Variants in TMCC3 observed in about 807,000 individuals in gnomAD.
The protein encoded by TMCC3 is transmembrane and coiled-coil domain protein 3.
In TMCC3, 28 loss-of-function variants were observed where a neutral mutation model predicts 40.2. The ratio of observed to expected loss-of-function variants is 0.70; its 90% CI spans 0.52 to 0.95. The LOEUF is 0.95. Among genes scored for constraint, TMCC3 ranks in the 40% least tolerant of loss-of-function variants. TMCC3 has a pLI of 0.00. For missense variants in TMCC3, 554 were observed against 615.2 expected, an observed-to-expected ratio of 0.90 and a Z score of 1.05; for synonymous variants, 255 against 248.5, an observed-to-expected ratio of 1.03 and a Z score of -0.25.
intron 1 of TMCC3, among the ~76,000 whole-genome samples, chr12:94,620,948 G>A (rs2068872886): frequency 2.0e-5 from 3 of 152,090 alleles, no homozygotes; most frequent in African/African-American, 7.2e-5. Flanking sequence ...TTAGGGTAGG[G>A]TCAGTTTGTA....
intron 1 of TMCC3, among the ~76,000 whole-genome samples, chr12:94,587,154 A>C (rs954534585): frequency 6.6e-6 from 1 of 152,290 alleles, no homozygotes; most frequent in East Asian, 1.9e-4. Flanking sequence ...TACACTATAC[A>C]TTGCAGCTTG....
At chr12:94,623,226 A>G (rs1267777295) in intron 1 of TMCC3, among the ~76,000 whole-genome samples, 3 of 136,062 alleles carry the variant, frequency 2.2e-5, no homozygotes, top group Non-Finnish European at 4.6e-5. Context: ...AATCTGCAGG[A>G]AAAAAAAAAA....
intron 1 of TMCC3, among the ~76,000 whole-genome samples, chr12:94,602,889 C>G (rs2068761305): frequency 6.6e-6 from 1 of 152,100 alleles, no homozygotes; most frequent in Non-Finnish European, 1.5e-5. Flanking sequence ...ATCCAATTAA[C>G]CTTAGGTCCT....
chr12:94,601,808 C>CAAAAAAAAAAAAAAAAAA (rs61372290), intron 1 of TMCC3, among the ~76,000 whole-genome samples: 24 of 76,706 alleles, frequency 3.1e-4, no homozygotes, highest in Admixed American at 4.8e-4. Context: ...GACCTGGTCT[C>CAAAAAAAAAAAAAAAAAA]AAAAAAAAAA....
chr12:94,591,804 TC>T lies in TMCC3; in HGVS notation c.79-9267del, dbSNP rs1178487022. On this transcript the variant is annotated intron_variant, in intron 1 of 3. Transcript: ENST00000261226. The stretch of plus-strand genomic sequence containing the variant: ...ATATATGAGAGATACCCCTAGCCCA[TC>T]TCCCTCTTGCTATCCTGGGGTCACA... 2.6e-5 allele frequency among the ~76,000 whole-genome samples: 4 copies of T among 152,088 alleles called. No individual in the cohort carries two copies. In the East Asian group the frequency reaches 7.7e-4, roughly 29 times the overall value.
chr12:94,576,794 A>T (rs1274533), intron 3 of TMCC3, among the ~76,000 whole-genome samples: 62,578 of 151,480 alleles, frequency 0.41, 13,277 homozygotes, highest in Middle Eastern at 0.45. Flanking sequence ...ATTTTTTTTT[A>T]AAGGCAATCA....
At chr12:94,629,168 G>T (rs1240461133) in intron 1 of TMCC3, among the ~76,000 whole-genome samples, 2 of 152,112 alleles carry the variant, frequency 1.3e-5, no homozygotes, top group Non-Finnish European at 2.9e-5. Flanking sequence ...CTTATCAAAG[G>T]CTAATCACAG....
At chr12:94,617,595 T>TATTTAAAGATA (rs2068854608) in intron 1 of TMCC3, among the ~76,000 whole-genome samples, 1 of 152,256 alleles carries the variant, frequency 6.6e-6, no homozygotes, top group Non-Finnish European at 1.5e-5. Context: ...TTTAAATCCC[T>TATTTAAAGATA]TTTGACCATA....
In TMCC3 at chr12:94,633,384, A is replaced by G. The variant is rs188131202; in HGVS notation, c.78+16969T>C. On this transcript the variant is annotated intron_variant, in intron 1 of 3. Transcript: ENST00000261226. ...CAAGTGACAGAAATTTGATGTAAAC[A>G]TGGCAAAATGTCAACATTCATTAAA... Among the ~76,000 whole-genome samples, 387 of 152,348 alleles carry G rather than the reference A, an allele frequency of 2.5e-3. 2 individuals are homozygous for G. Among genetic ancestry groups the G allele is most frequent in the African/African-American group, 9.0e-3 (375 of 41,584 alleles).
At chr12:94,597,156 T>TATATATATATATATATATATATATAA (rs2068722036) in intron 1 of TMCC3, among the ~76,000 whole-genome samples, 1 of 15,108 alleles carries the variant, frequency 6.6e-5, no homozygotes, top group African/African-American at 1.6e-4. Flanking sequence ...TATATATATA[T>TATATATATATATATATATATATATAA]ATGTATATAA....
chr12:94,621,303 T>C (rs911182218), intron 1 of TMCC3, among the ~76,000 whole-genome samples: 3 of 152,256 alleles, frequency 2.0e-5, no homozygotes, highest in African/African-American at 4.8e-5. Flanking sequence ...ACAGCTCTTC[T>C]GGCTCCTTCG....
At chr12:94,601,600 G>A (rs2068752839) in intron 1 of TMCC3, among the ~76,000 whole-genome samples, 1 of 151,680 alleles carries the variant, frequency 6.6e-6, no homozygotes, top group South Asian at 2.1e-4. Context: ...CGAGGTGGGT[G>A]GATCACATGA....
At chr12:94,599,569 C>G (rs1343488970) in intron 1 of TMCC3, among the ~76,000 whole-genome samples, 1 of 137,536 alleles carries the variant, frequency 7.3e-6, no homozygotes, top group African/African-American at 2.8e-5. Context: ...CCCCCCCCCG[C>G]CCACACACAC....
intron 1 of TMCC3, among the ~76,000 whole-genome samples, chr12:94,641,677 G>C (rs1425012370): frequency 1.3e-5 from 2 of 152,004 alleles, no homozygotes; most frequent in South Asian, 4.1e-4. Context: ...GAAAACACTC[G>C]GTGCTAGAAG....
intron 1 of TMCC3, among the ~76,000 whole-genome samples, chr12:94,586,148 G>C (rs76302032): frequency 6.6e-6 from 1 of 152,182 alleles, no homozygotes; most frequent in Admixed American, 6.5e-5. Flanking sequence ...ACTAAACAGA[G>C]ATTTTTTTCC....
intron 1 of TMCC3, among the ~76,000 whole-genome samples, chr12:94,622,187 C>T (rs964143109): frequency 6.6e-6 from 1 of 152,146 alleles, no homozygotes; most frequent in African/African-American, 2.4e-5. Flanking sequence ...ACTCCACACC[C>T]ATGGCCTGAA....
At position 94,567,166 on chromosome 12, in the gene TMCC3, C is replaced by G. The variant is rs1415881310; in HGVS notation, c.*4269G>C. The stretch of plus-strand genomic sequence containing the variant: ...CCTCTTTATTTAACACCAAAGCTAA[C>G]ATCAAGTGTTTATTTAAAAAAATAA... On this transcript the variant is annotated 3_prime_UTR_variant, in exon 4 of 4. Coordinates refer to ENST00000261226, the MANE Select transcript of TMCC3 (RefSeq NM_020698.4). The G allele has an allele frequency of 6.6e-6, 1 of 152,136 alleles. No individual in the cohort carries two copies. Among genetic ancestry groups the G allele is most frequent in the East Asian group, 1.9e-4 (1 of 5,202 alleles). 9.4% of individuals were successfully genotyped at this position (152,136 alleles called of 1,614,324 possible). A position where few individuals can be genotyped will look rare whatever the true frequency, so the allele number is the denominator to read the frequency against.
intron 3 of TMCC3, among the ~76,000 whole-genome samples, chr12:94,575,627 G>A (rs1317308119): frequency 6.6e-6 from 1 of 152,162 alleles, no homozygotes; most frequent in Non-Finnish European, 1.5e-5. Context: ...TTCCCTTTGT[G>A]TGGTCCCTCC....
intron 1 of TMCC3, among the ~76,000 whole-genome samples, chr12:94,606,710 C>T (rs2068785695): frequency 6.6e-6 from 1 of 151,954 alleles, no homozygotes; most frequent in Admixed American, 6.6e-5. Flanking sequence ...CCGTGATGAC[C>T]CCGAGCTGCA....
Sources: gnomAD v4.1 joint callset for allele counts (sites outside exome capture counted in the v4.1 genomes callset) on GRCh38, gnomAD v4.1.1 for gene constraint, MANE v1.5 for transcripts, NCBI Gene and HGNC (gene_info 2026-07-23, HGNC 2026-07-21) for gene names.